The following LINGO1 variants were observed in gnomAD, a reference collection of about 807,000 sequenced individuals.
LINGO1 encodes the protein leucine rich repeat and Ig domain containing 1, also known as leucine-rich repeat and immunoglobulin-like domain-containing nogo receptor-interacting protein 1.
LINGO1 carries 11 observed loss-of-function variants against 37.3 expected under a neutral mutation model. The ratio of observed to expected loss-of-function variants is 0.29; its 90% CI spans 0.19 to 0.49. The LOEUF is 0.49. Ranked by LOEUF, LINGO1 falls within the 20% of genes least tolerant of loss-of-function variation. The probability of loss-of-function intolerance (pLI) is 0.99; values close to 1 mark genes in which losing one functional copy is unlikely to be tolerated. For missense variants in LINGO1, 585 were observed against 878.2 expected (o/e 0.67, Z 4.22); for synonymous variants, 387 against 403.0 (o/e 0.96, Z 0.48).
At chr15:77,621,613 C>T (rs892614012) in intron 1 of LINGO1, among the ~76,000 whole-genome samples, 34 of 152,278 alleles carry the variant, frequency 2.2e-4, no homozygotes, top group African/African-American at 7.2e-4. Context: ...TAGGGTGAGG[C>T]CCCAGGGCTG....
chr15:77,789,201 G>T (rs1596233232), upstream of LINGO1, among the ~76,000 whole-genome samples: 1 of 152,320 alleles, frequency 6.6e-6, no homozygotes, highest in East Asian at 1.9e-4. Flanking sequence ...CAATACCTCA[G>T]TATGTGATCT....
intron 2 of LINGO1, among the ~76,000 whole-genome samples, chr15:77,732,675 G>T (rs2076164592): frequency 6.6e-6 from 1 of 152,222 alleles, no homozygotes. Flanking sequence ...TCCGGCCAAG[G>T]CTGGCCACAG....
At chr15:77,695,941 G>C (rs915013910) in intron 1 of LINGO1, 1 of 151,698 alleles carries the variant, frequency 6.6e-6, no homozygotes, top group African/African-American at 2.4e-5. Flanking sequence ...GGCAAGGGAG[G>C]AGGAGGGAAG....
intron 3 of LINGO1, among the ~76,000 whole-genome samples, chr15:77,666,001 C>G (rs943977191): frequency 6.6e-6 from 1 of 152,244 alleles, no homozygotes; most frequent in Non-Finnish European, 1.5e-5. Flanking sequence ...TTCCCCACCA[C>G]CAAGGCCATG....
Position 77,664,130 on chromosome 15 carries a change from AGTGT to A in LINGO1, c.-13+12955_-13+12958del, listed in dbSNP as rs774494605. Among the ~76,000 whole-genome samples the A allele has an allele frequency of 4.0e-3, 516 of 130,290 alleles. 2 individuals are homozygous for A. Among genetic ancestry groups the A allele is most frequent in the African/African-American group, 7.8e-3 (250 of 31,896 alleles). 85.5% of individuals were successfully genotyped at this position (130,290 alleles called of 152,430 possible). On this transcript the variant is annotated intron_variant, in intron 3 of 3. Transcript: ENST00000559893. ...TTCCTCTCTTCTGCCACACAGGAGC[AGTGT>A]GTGTGTGTGTGTGTGTGTGTGTGTG...
At chr15:77,659,046 G>C (rs1341244669) in intron 3 of LINGO1, among the ~76,000 whole-genome samples, 1 of 152,200 alleles carries the variant, frequency 6.6e-6, no homozygotes, top group Admixed American at 6.5e-5. Flanking sequence ...TTGGAGCCCT[G>C]GGGGCAAGGG....
At chr15:77,769,485 A>C (rs769020636) in intron 1 of LINGO1, among the ~76,000 whole-genome samples, 1 of 152,232 alleles carries the variant, frequency 6.6e-6, no homozygotes, top group African/African-American at 2.4e-5. Flanking sequence ...GGCCAGGGTC[A>C]GCCAGGGAGT....
rs544700315 is a variant in LINGO1 at position 77,744,282 on chromosome 15, C to T, written c.-256-9229G>A. ...GGCACAGTGGCTCATGCCTGTAATACTAGCACTCTGGGAGGCCAAGGTGGG... is the reference window on the plus strand; with the variant it reads ...GGCACAGTGGCTCATGCCTGTAATATTAGCACTCTGGGAGGCCAAGGTGGG... On this transcript the variant is annotated intron_variant, in intron 1 of 3. Transcript: ENST00000561686. Among the ~76,000 whole-genome samples, 7 of 152,310 alleles carry T rather than the reference C, an allele frequency of 4.6e-5. No individual in the cohort carries two copies. In the East Asian group the frequency reaches 1.4e-3, roughly 29 times the overall value.
At chr15:77,654,017 G>A (rs887684741) in intron 3 of LINGO1, among the ~76,000 whole-genome samples, 15 of 152,196 alleles carry the variant, frequency 9.9e-5, no homozygotes, top group South Asian at 6.2e-4. Flanking sequence ...TTAACATTAG[G>A]TATGGCCATG....
intron 2 of LINGO1, among the ~76,000 whole-genome samples, chr15:77,714,578 T>C (rs549481762): frequency 6.6e-6 from 1 of 152,286 alleles, no homozygotes; most frequent in Admixed American, 6.5e-5. Context: ...TTACCAGCTG[T>C]CCCTATTCAT....
At position 77,645,977 on chromosome 15, in the gene LINGO1, G is replaced by A. The variant is rs573845445; in HGVS notation, c.-12-30077C>T. 9.1e-4 allele frequency among the ~76,000 whole-genome samples: 136 copies of A among 148,950 alleles called. 1 individual carries two copies. The highest frequency in any genetic ancestry group is 3.2e-3 in the African/African-American group (126 of 38,826). On this transcript the variant is annotated intron_variant, in intron 3 of 3. Coordinates refer to the LINGO1 transcript ENST00000559893. ...AGGGTGAGTCCTGTGATGAGCAAGT[G>A]CATGGGCAAGCAGGCCTGGCTTTCT... is the stretch of plus-strand genomic sequence containing the variant.
intron 3 of LINGO1, among the ~76,000 whole-genome samples, chr15:77,658,415 C>T (rs1213591872): frequency 3.3e-5 from 5 of 152,246 alleles, no homozygotes; most frequent in African/African-American, 1.2e-4. Context: ...ACCAGGCATG[C>T]TCTGGTGCTG....
chr15:77,768,188 G>T (rs945937448), intron 1 of LINGO1, among the ~76,000 whole-genome samples: 11 of 152,054 alleles, frequency 7.2e-5, no homozygotes, highest in African/African-American at 2.7e-4. Flanking sequence ...CAGCCTCCCA[G>T]CAACCCCTGC....
intron 1 of LINGO1, among the ~76,000 whole-genome samples, chr15:77,692,183 C>T (rs2075615990): frequency 6.6e-6 from 1 of 152,204 alleles, no homozygotes; most frequent in Non-Finnish European, 1.5e-5. Flanking sequence ...CAGGAACCTT[C>T]CTCAGCACTT....
chr15:77,708,103 A>AGAAATTTCCTATAAAGAGGT (rs1235546294), intron 2 of LINGO1, among the ~76,000 whole-genome samples: 1 of 152,248 alleles, frequency 6.6e-6, no homozygotes, highest in Non-Finnish European at 1.5e-5. Context: ...GACATTCAAA[A>AGAAATTTCCTATAAAGAGGT]GAAATTTCCT....
chr15:77,733,248 A>G (rs1010030166), intron 2 of LINGO1, among the ~76,000 whole-genome samples: 1 of 152,236 alleles, frequency 6.6e-6, no homozygotes, highest in Non-Finnish European at 1.5e-5. Flanking sequence ...GCACACTCCG[A>G]GCAGAGGGGG....
intron 1 of LINGO1, among the ~76,000 whole-genome samples, chr15:77,813,084 C>A (rs984254428): frequency 2.0e-5 from 3 of 152,190 alleles, no homozygotes; most frequent in African/African-American, 7.2e-5. Context: ...AAGGTGCTCC[C>A]AAGTCAAAAC....
At chr15:77,671,493 A>G (rs990044359) in intron 3 of LINGO1, among the ~76,000 whole-genome samples, 3 of 152,230 alleles carry the variant, frequency 2.0e-5, no homozygotes, top group Non-Finnish European at 2.9e-5. Context: ...CTTCAGACAC[A>G]TGATGACACA....
At chr15:77,664,604 G>A (rs958251244) in intron 3 of LINGO1, among the ~76,000 whole-genome samples, 6 of 152,220 alleles carry the variant, frequency 3.9e-5, no homozygotes, top group African/African-American at 1.4e-4. Flanking sequence ...GTGTGGGGAG[G>A]TGGCTTGCAC....
Sources: allele counts gnomAD v4.1 joint callset (sites outside exome capture counted in the v4.1 genomes callset), GRCh38; gene constraint gnomAD v4.1.1; transcripts MANE v1.5; gene names NCBI Gene and HGNC (gene_info 2026-07-23, HGNC 2026-07-21).